DNAH2: variants seen among roughly 807,000 people sequenced by gnomAD.
DNAH2 encodes the protein dynein axonemal heavy chain 2.
A neutral mutation model predicts 523.5 loss-of-function variants in DNAH2; 323 were observed. The ratio of observed to expected loss-of-function variants is 0.62; its 90% CI spans 0.56 to 0.68. The LOEUF (loss-of-function observed/expected upper bound fraction) is 0.68, where lower values mean the gene tolerates loss of function less well. Among genes scored for constraint, DNAH2 ranks in the 30% least tolerant of loss-of-function variants. The probability of loss-of-function intolerance (pLI) is 0.00; values close to 1 mark genes in which losing one functional copy is unlikely to be tolerated. For synonymous variants in DNAH2, 2,093 were observed against 2,177.4 expected (o/e 0.96, Z 1.08); for missense variants, 4,907 against 5,701.5 (o/e 0.86, Z 4.49).
At chr17:7,752,160 T>TATACACACTCACACAC (rs1555544445) in intron 12 of DNAH2, among the ~76,000 whole-genome samples, 1 of 124,952 alleles carries the variant, frequency 8.0e-6, no homozygotes, top group African/African-American at 3.1e-5. Flanking sequence ...TAAGTCATTT[T>TATACACACTCACACAC]ACACACACAC....
rs2074702350 is a variant in DNAH2 at position 7,723,619 on chromosome 17, TCTTC to T, written c.167-6_167-3del. The T allele has an allele frequency of 6.2e-7, 1 of 1,613,528 alleles. No individual in the cohort carries two copies. The highest frequency in any genetic ancestry group is 8.5e-7 in the Non-Finnish European group (1 of 1,179,710). ...AATGCCTTCCTTTTTGTATGTTTAT[TCTTC>T]CTAGAGCCACGGTTGGAGGGACCTC... On this transcript the variant is annotated splice_polypyrimidine_tract_variant and splice_region_variant and intron_variant, in intron 2 of 85. Transcript: ENST00000572933.
rs557323807 is a variant in DNAH2, at chr17:7,801,328, A to C, written c.8700-250A>C. On this transcript the variant is annotated intron_variant, in intron 56 of 85. Transcript: ENST00000572933. ...TTTAGAGACGAGGAAACTGGCATTC[A>C]AAGAGCTTAGATACTTGCTGGAGAT... Among the ~76,000 whole-genome samples the C allele has an allele frequency of 3.4e-5, 5 of 146,838 alleles. No homozygotes were observed. In the East Asian group the frequency reaches 1.0e-3, roughly 30 times the overall value.
chr17:7,831,591 CT>C lies in DNAH2; in HGVS notation c.12611+53del. The C allele has an allele frequency of 6.2e-7, 1 of 1,613,530 alleles. No homozygotes were observed. Among genetic ancestry groups the C allele is most frequent in the Non-Finnish European group, 8.5e-7 (1 of 1,179,586 alleles). ...AACAGGGGAGGGTGTGAGGAGAAGC[CT>C]TTGCCTTCTGGCTAGAATGACGTTC... On this transcript the variant is annotated intron_variant, in intron 81 of 85. Transcript: ENST00000572933. This position sits in a 1 kb window ranked among gnomAD's most constrained non-coding sequence, Gnocchi z 4.2.
intron 50 of DNAH2, 62 bp from the exon 51 acceptor site, chr17:7,797,114 A>AC: frequency 6.7e-7 from 1 of 1,489,654 alleles, no homozygotes; most frequent in Non-Finnish European, 9.2e-7. Flanking sequence ...AAAAAAAAAA[A>AC]AAAAAAACTT....
At chr17:7,792,484 G>C (rs1008316766) in intron 46 of DNAH2, 141 bp downstream of exon 46, 2 of 1,044,644 alleles carry the variant, frequency 1.9e-6, no homozygotes, top group East Asian at 2.5e-5. Flanking sequence ...CTTGAGGACA[G>C]GAAGCGGGAC....
At chr17:7,805,936 G>A (rs961150336) in intron 61 of DNAH2, among the ~76,000 whole-genome samples, 3 of 151,962 alleles carry the variant, frequency 2.0e-5, no homozygotes, top group African/African-American at 7.2e-5. Flanking sequence ...ACTAAAAAGA[G>A]AAAAAGAAAA....
At chr17:7,732,491 C>A (rs1417251792) in intron 4 of DNAH2, among the ~76,000 whole-genome samples, 4 of 144,538 alleles carry the variant, frequency 2.8e-5, no homozygotes, top group African/African-American at 1.0e-4. Flanking sequence ...CACTAAAAAA[C>A]CCAAACGAAA....
At chr17:7,783,133 A>G (rs569272635) in intron 39 of DNAH2, among the ~76,000 whole-genome samples, 1 of 152,198 alleles carries the variant, frequency 6.6e-6, no homozygotes, top group East Asian at 1.9e-4. Context: ...GCTGGAGTGC[A>G]ATGGCACAAT....
At chr17:7,744,318 A>AAAG (rs2075451868) in intron 12 of DNAH2, among the ~76,000 whole-genome samples, 2 of 149,746 alleles carry the variant, frequency 1.3e-5, no homozygotes, top group African/African-American at 4.9e-5. Flanking sequence ...AAAAAAAAAA[A>AAAG]TGCTTGTGGG....
chr17:7,793,447 T>TTCTTTCTCTTTCTTTC (rs774059490), intron 48 of DNAH2, among the ~76,000 whole-genome samples: 25 of 96,416 alleles, frequency 2.6e-4, no homozygotes, highest in South Asian at 3.3e-4. Flanking sequence ...CTTTCTTTCT[T>TTCTTTCTCTTTCTTTC]TTTCTTTCTT....
rs745948469 is a variant in DNAH2, at chr17:7,768,020, G to A, written c.3796G>A (p.Gly1266Arg). ...QTETMETTAHGLFRRLTKLAK... is the reference protein window; with the variant it reads ...QTETMETTAHRLFRRLTKLAK... ...GGAAACCATGGAGACCACGGCCCACGGGCTGTTTCGTCGCCTCACAAAATT... is the reference window on the plus strand; with the variant it reads ...GGAAACCATGGAGACCACGGCCCACAGGCTGTTTCGTCGCCTCACAAAATT... Residue 1266 changes from glycine to arginine, a missense_variant, in exon 23 of 86, where the codon GGG becomes AGG. Physicochemically the swap from Gly to Arg is moderately radical, Grantham distance 125. This residue lies in a region of DNAH2 where 2,806 missense variants were observed against 3,190.8 expected (regional missense o/e 0.88). Transcript: ENST00000572933. 7.4e-6 allele frequency: 12 copies of A among 1,613,994 alleles called. No individual in the cohort carries two copies. Among genetic ancestry groups the A allele is most frequent in the South Asian group, 3.3e-5 (3 of 91,060 alleles).
intron 2 of DNAH2, among the ~76,000 whole-genome samples, chr17:7,722,193 G>A (rs899745086): frequency 3.0e-5 from 4 of 134,128 alleles, no homozygotes; most frequent in East Asian, 2.8e-4. Context: ...GAGACGGGGG[G>A]GGGGGTTCAC....
chr17:7,740,048 G>C, intron 9 of DNAH2, 110 bp downstream of exon 9: 1 of 1,016,992 alleles, frequency 9.8e-7, no homozygotes, highest in Non-Finnish European at 1.3e-6. Context: ...AGGACAGATC[G>C]GGATCAGGGC....
chr17:7,780,577 C>T lies in DNAH2; in HGVS notation c.5851-53C>T. The T allele has an allele frequency of 6.2e-7, 1 of 1,603,956 alleles. No homozygotes were observed. The highest frequency in any genetic ancestry group is 8.5e-7 in the Non-Finnish European group (1 of 1,174,676). On this transcript the variant is annotated intron_variant, in intron 37 of 85. Coordinates refer to ENST00000572933, the MANE Select transcript of DNAH2 (RefSeq NM_020877.5). The surrounding 1 kb of genome is among the most constrained non-coding windows in gnomAD (Gnocchi z 4.4). ...TGTCTCTGACTGTCCTGAGATGAAG[C>T]AGAGGGATTTGTGGGGAGATGGACT...
rs759388673 is a variant in DNAH2 at position 7,830,714 on chromosome 17, C to T, written c.12102C>T (p.Asp4034=). 3.7e-5 allele frequency: 60 copies of T among 1,614,036 alleles called. No individual in the cohort carries two copies. The East Asian group carries it at 1.1e-3, about 31-fold the overall frequency. ...ATGAGTACGAGGAGACACCTTGGGA[C>T]GCACTTAAGTACCTCATTGCCGGCA... The part of the protein sequence containing the change: ...YLDEYEETPW[D]ALKYLIAGIN... The change falls in exon 79 of 86, where the codon GAC becomes GAT. Residue 4034 remains aspartate (D), a synonymous_variant. Transcript: ENST00000572933.
chr17:7,788,488 A>G (rs1382533344), intron 44 of DNAH2, among the ~76,000 whole-genome samples: 2 of 152,146 alleles, frequency 1.3e-5, no homozygotes, highest in African/African-American at 2.4e-5. Flanking sequence ...TATGTACACA[A>G]TGGGATCTCA....
chr17:7,777,481 G>C lies in DNAH2; in HGVS notation c.5094G>C (p.Arg1698Ser). The change falls in exon 33 of 86, where the codon AGG becomes AGC. Residue 1698 changes from arginine (R) to serine (S), a missense_variant. Physicochemically the swap from Arg to Ser is moderately radical, Grantham distance 110. Transcript: ENST00000572933. ...SILNKYSEAI[R>S]GNLTKIMRLK... The stretch of plus-strand genomic sequence containing the variant: ...TGAATAAGTATTCAGAAGCCATCAG[G>C]GGGAACTTGACCAAGATCATGCGGC... The C allele has an allele frequency of 6.2e-7, 1 of 1,614,158 alleles. No individual in the cohort carries two copies.
In DNAH2 at chr17:7,719,916, G is replaced by A. The variant is rs2074546446; in HGVS notation, c.166+16G>A. On this transcript the variant is annotated intron_variant, in intron 2 of 85. Coordinates refer to ENST00000572933, the MANE Select transcript of DNAH2 (RefSeq NM_020877.5). ...GAGGAGCCTGGTGGGTACTTGCTGG[G>A]GCAGAGGATGCTTAGCAATGGAGGG... 6.7e-7 allele frequency: 1 copy of A among 1,499,502 alleles called. No individual in the cohort carries two copies. Among genetic ancestry groups the A allele is most frequent in the Non-Finnish European group, 8.9e-7 (1 of 1,125,032 alleles). 92.9% of individuals were successfully genotyped at this position (1,499,502 alleles called of 1,614,324 possible).
chr17:7,729,491 C>T (rs1195273453), intron 4 of DNAH2, among the ~76,000 whole-genome samples: 1 of 152,052 alleles, frequency 6.6e-6, no homozygotes, highest in African/African-American at 2.4e-5. Context: ...AGTGCAATGG[C>T]GCAATCTCGG....
Sources: gnomAD v4.1 joint callset for allele counts (sites outside exome capture counted in the v4.1 genomes callset) on GRCh38, gnomAD v4.1.1 for gene constraint, gnomAD v4.1.1 regional missense constraint, Gnocchi (gnomAD v3.1) non-coding constraint, MANE v1.5 for transcripts, NCBI Gene and HGNC (gene_info 2026-07-23, HGNC 2026-07-21) for gene names.